The following NXN variants were observed in gnomAD, a reference collection of about 807,000 sequenced individuals.
NXN encodes nucleoredoxin 1.
In NXN, 16 loss-of-function variants were observed where a neutral mutation model predicts 48.6. The ratio of observed to expected loss-of-function variants is 0.33; its 90% confidence interval spans 0.22 to 0.50. NXN has a LOEUF of 0.50. NXN is among the 20% of genes least tolerant of loss of function. NXN has a pLI of 0.98. For synonymous variants in NXN, 281 were observed against 269.6 expected, an observed-to-expected ratio of 1.04 and a Z score of -0.41; for missense variants, 492 against 605.5, an observed-to-expected ratio of 0.81 and a Z score of 1.97.
chr17:840,733 G>A (rs1476685128), intron 1 of NXN, among the ~76,000 whole-genome samples: 3 of 152,204 alleles, frequency 2.0e-5, no homozygotes, highest in South Asian at 2.1e-4. Flanking sequence ...GACAGGCAGA[G>A]GATCCGATCG....
rs557724256 is a variant in NXN, at chr17:884,054, T to TA, written c.361-57977dup. On this transcript the variant is annotated intron_variant, in intron 1 of 7. Coordinates refer to ENST00000336868, the MANE Select transcript of NXN (RefSeq NM_022463.5). ...TAACATGGTGAAACCCTGTCTCTACTAAAAAAAATACAAAAAGTTAGCCGG... is the reference window on the plus strand; with the variant it reads ...TAACATGGTGAAACCCTGTCTCTACTAAAAAAAAATACAAAAAGTTAGCCGG... Among the ~76,000 whole-genome samples the TA allele has an allele frequency of 7.3e-5, 11 of 151,304 alleles. No homozygotes were observed. In the South Asian group the frequency reaches 1.7e-3, roughly 23 times the overall value.
At position 841,669 on chromosome 17, in the gene NXN, GCAGGTCCACCCTGACCATGGCA is replaced by G. The variant is rs879650412; in HGVS notation, c.361-15613_361-15592del. Among the ~76,000 whole-genome samples, 90 of 136,688 alleles carry G rather than the reference GCAGGTCCACCCTGACCATGGCA, an allele frequency of 6.6e-4. 4 individuals are homozygous for G. Among genetic ancestry groups the G allele is most frequent in the East Asian group, 4.5e-3 (21 of 4,668 alleles). The allele number at this position is 136,688 out of a possible 152,430, so 89.7% of individuals were successfully genotyped here. A position where few individuals can be genotyped will look rare whatever the true frequency, so the allele number is the denominator to read the frequency against. On this transcript the variant is annotated intron_variant, in intron 1 of 7. Coordinates refer to ENST00000336868, the MANE Select transcript of NXN (RefSeq NM_022463.5). ...ACCACAGCGCATCTCACGCCGGCGA[GCAGGTCCACCCTGACCATGGCA>G]CATCTCACGCCGGTGAGCAGGTCCA... is the stretch of plus-strand genomic sequence containing the variant.
At position 926,145 on chromosome 17, in the gene NXN, C is replaced by A. The variant is rs555719418; in HGVS notation, c.360+53174G>T. Among the ~76,000 whole-genome samples the A allele has an allele frequency of 5.9e-5, 9 of 152,294 alleles. No homozygotes were observed. The East Asian group carries it at 7.7e-4, about 13-fold the overall frequency. On this transcript the variant is annotated intron_variant, in intron 1 of 7. Coordinates refer to ENST00000336868, the MANE Select transcript of NXN (RefSeq NM_022463.5). ...CTCAAGATTCAAGACAATGTTAGATCCGCACATTCTCAGTATCTACCGTCT... is the reference window on the plus strand; with the variant it reads ...CTCAAGATTCAAGACAATGTTAGATACGCACATTCTCAGTATCTACCGTCT...
intron 1 of NXN, among the ~76,000 whole-genome samples, chr17:895,721 G>A (rs2068474984): frequency 6.6e-6 from 1 of 150,648 alleles, no homozygotes; most frequent in African/African-American, 2.5e-5. Context: ...GGGAGGCTGA[G>A]GCAGGGGAAT....
In NXN at chr17:932,244, C is replaced by T. The variant is rs753864362; in HGVS notation, c.360+47075G>A. Among the ~76,000 whole-genome samples, 94 of 152,142 alleles carry T rather than the reference C, an allele frequency of 6.2e-4. No individual in the cohort carries two copies. Among genetic ancestry groups the T allele is most frequent in the Admixed American group, 1.7e-3 (26 of 15,262 alleles). ...TGATCTGAAGAGTCTGTCTACCTGC[C>T]CAGCTACCAACCCAAACCGGCCTTG... is the stretch of plus-strand genomic sequence containing the variant. On this transcript the variant is annotated intron_variant, in intron 1 of 7. Coordinates refer to ENST00000336868, the MANE Select transcript of NXN (RefSeq NM_022463.5). The surrounding 1 kb of genome is among the most constrained non-coding windows in gnomAD (Gnocchi z 4.1).
chr17:854,767 T>C (rs942766335), intron 1 of NXN, among the ~76,000 whole-genome samples: 1 of 151,728 alleles, frequency 6.6e-6, no homozygotes, highest in Non-Finnish European at 1.5e-5. Flanking sequence ...GAGACCAGCC[T>C]AGCCAACATG....
intron 1 of NXN, among the ~76,000 whole-genome samples, chr17:927,736 C>T (rs572077318): frequency 6.6e-6 from 1 of 152,092 alleles, no homozygotes; most frequent in South Asian, 2.1e-4. Context: ...ACGGCATAAC[C>T]AGCCAGACAG....
intron 5 of NXN, among the ~76,000 whole-genome samples, chr17:807,495 A>G (rs72810279): frequency 0.099 from 15,006 of 152,228 alleles, 990 homozygotes; most frequent in Middle Eastern, 0.21. Context: ...GGCCTCCTCC[A>G]AGCGGCCTTT....
intron 1 of NXN, among the ~76,000 whole-genome samples, chr17:902,020 G>C (rs972577695): frequency 6.6e-6 from 1 of 152,144 alleles, no homozygotes; most frequent in African/African-American, 2.4e-5. Flanking sequence ...GTTTAAACAT[G>C]GTCTCATGCA....
At chr17:812,131 G>A (rs1027253803) in intron 5 of NXN, among the ~76,000 whole-genome samples, 5 of 150,566 alleles carry the variant, frequency 3.3e-5, no homozygotes, top group African/African-American at 9.8e-5. Context: ...GTTTCACCGT[G>A]TTAGCCAGGA....
intron 1 of NXN, among the ~76,000 whole-genome samples, chr17:831,172 C>T (rs56360308): frequency 6.6e-6 from 1 of 151,902 alleles, no homozygotes; most frequent in Non-Finnish European, 1.5e-5. Context: ...AATGTAGTTG[C>T]CCCTTGGCTG....
intron 1 of NXN, among the ~76,000 whole-genome samples, chr17:859,374 G>A (rs2144774207): frequency 6.6e-6 from 1 of 152,260 alleles, no homozygotes; most frequent in African/African-American, 2.4e-5. Flanking sequence ...GAGTTTAGGG[G>A]AAATTTTTGG....
intron 1 of NXN, among the ~76,000 whole-genome samples, chr17:880,737 G>T (rs1371662356): frequency 2.0e-5 from 3 of 152,178 alleles, no homozygotes; most frequent in Non-Finnish European, 4.4e-5. Flanking sequence ...CTCCTAAGGG[G>T]GCAGGGCTGG....
rs1172356331 is a variant in NXN at position 919,273 on chromosome 17, G to A, written c.360+60046C>T. Among the ~76,000 whole-genome samples the A allele has an allele frequency of 1.3e-5, 2 of 152,060 alleles. No individual in the cohort carries two copies. The highest frequency in any genetic ancestry group is 2.9e-5 in the Non-Finnish European group (2 of 68,024). ...AGTTCCTTGGGAGGCTGAAGCAGGA[G>A]AATAGCTTGAACTAGGGAGGCAGAG... On this transcript the variant is annotated intron_variant, in intron 1 of 7. Coordinates refer to ENST00000336868, the MANE Select transcript of NXN (RefSeq NM_022463.5). This position sits in a 1 kb window ranked among gnomAD's most constrained non-coding sequence, Gnocchi z 5.1.
chr17:836,209 C>T (rs931760368), intron 1 of NXN, among the ~76,000 whole-genome samples: 2 of 152,200 alleles, frequency 1.3e-5, no homozygotes, highest in African/African-American at 2.4e-5. Context: ...TCCCAGTTCC[C>T]GAGAGCAACA....
At chr17:897,928 A>G (rs9908724) in intron 1 of NXN, among the ~76,000 whole-genome samples, 24,581 of 151,996 alleles carry the variant, frequency 0.16, 2,153 homozygotes, top group Middle Eastern at 0.33. Flanking sequence ...TGATCCGCCC[A>G]CCTCGGCCTC....
At chr17:955,517 G>T (rs1474100693) in intron 1 of NXN, among the ~76,000 whole-genome samples, 2 of 151,386 alleles carry the variant, frequency 1.3e-5, no homozygotes. Flanking sequence ...ACAGACACTG[G>T]TTGGACTTCT....
intron 5 of NXN, among the ~76,000 whole-genome samples, chr17:815,848 G>A (rs1912442562): frequency 6.6e-6 from 1 of 152,210 alleles, no homozygotes; most frequent in South Asian, 2.1e-4. Context: ...GTCACACTTT[G>A]TACACACCTG....
chr17:905,254 A>AATATATATATATATATATATATAT (rs57643437), intron 1 of NXN: 3 of 128,608 alleles, frequency 2.3e-5, no homozygotes, highest in Non-Finnish European at 5.5e-5. Context: ...TGTAAATGTA[A>AATATATATATATATATATATATAT]ATATATATAT....
Sources: gnomAD v4.1 joint callset for allele counts (sites outside exome capture counted in the v4.1 genomes callset) on GRCh38, gnomAD v4.1.1 for gene constraint, Gnocchi (gnomAD v3.1) non-coding constraint, MANE v1.5 for transcripts, NCBI Gene and HGNC (gene_info 2026-07-23, HGNC 2026-07-21) for gene names.